Variants in HNRNPLL observed in about 807,000 individuals in gnomAD.
HNRNPLL encodes heterogeneous nuclear ribonucleoprotein L-like.
A neutral mutation model predicts 67.1 loss-of-function variants in HNRNPLL; 25 were observed. That is an observed-to-expected ratio of 0.37 (90% CI 0.27 to 0.52). The LOEUF (loss-of-function observed/expected upper bound fraction) is 0.52, where lower values mean the gene tolerates loss of function less well. Ranked by LOEUF, HNRNPLL falls within the 20% of genes least tolerant of loss-of-function variation. The probability of loss-of-function intolerance (pLI) is 0.90; values close to 1 mark genes in which losing one functional copy is unlikely to be tolerated. For synonymous variants in HNRNPLL, 267 were observed against 241.7 expected (o/e 1.10, Z -0.97); for missense variants, 542 against 673.9 (o/e 0.80, Z 2.17).
At chr2:38,596,666 TATATTA>T (rs1667205269) in intron 1 of HNRNPLL, among the ~76,000 whole-genome samples, 1 of 152,164 alleles carries the variant, frequency 6.6e-6, no homozygotes, top group Non-Finnish European at 1.5e-5. Context: ...CCCCCAACAA[TATATTA>T]ATATTGAGGT....
At chr2:38,591,883 G>T (rs1304190553) in intron 1 of HNRNPLL, among the ~76,000 whole-genome samples, 1 of 152,098 alleles carries the variant, frequency 6.6e-6, no homozygotes, top group Non-Finnish European at 1.5e-5. Flanking sequence ...GGCTGAGGCA[G>T]AAGAACGGCT....
intron 1 of HNRNPLL, among the ~76,000 whole-genome samples, chr2:38,592,369 C>A: frequency 6.6e-6 from 1 of 152,218 alleles, no homozygotes; most frequent in South Asian, 2.1e-4. Context: ...ATATACTTAT[C>A]TTTCCTGTAA....
chr2:38,571,712 A>G (rs1284100619), intron 8 of HNRNPLL, among the ~76,000 whole-genome samples: 3 of 152,166 alleles, frequency 2.0e-5, no homozygotes, highest in Non-Finnish European at 2.9e-5. Context: ...TAAATCTCCA[A>G]AAGAAAGTTA....
intron 8 of HNRNPLL, among the ~76,000 whole-genome samples, chr2:38,572,741 T>C (rs899001837): frequency 7.2e-5 from 11 of 152,078 alleles, no homozygotes; most frequent in African/African-American, 2.4e-4. Flanking sequence ...TAAATGCACA[T>C]GGTTCCTCCG....
chr2:38,586,870 G>A (rs1480054670), intron 2 of HNRNPLL, among the ~76,000 whole-genome samples: 2 of 151,984 alleles, frequency 1.3e-5, no homozygotes, highest in Non-Finnish European at 2.9e-5. Flanking sequence ...AATACAGTAC[G>A]TTCTTTTTGG....
Position 38,579,874 on chromosome 2 carries a change from C to A in HNRNPLL, c.802+2039G>T, listed in dbSNP as rs549768182. Among the ~76,000 whole-genome samples the A allele has an allele frequency of 3.3e-5, 5 of 152,044 alleles. No individual in the cohort carries two copies. The South Asian group carries it at 1.0e-3, about 32-fold the overall frequency. On this transcript the variant is annotated intron_variant, in intron 6 of 12. Transcript: ENST00000449105. ...ACAAAAACATAAACTGTTATGGTCT[C>A]GCAAGACAAATATCTGTAAGGAATT...
chr2:38,568,068 T>C (rs1009822394), intron 12 of HNRNPLL, 131 bp downstream of exon 12: 2 of 608,018 alleles, frequency 3.3e-6, no homozygotes, highest in Non-Finnish European at 5.7e-6. Context: ...GGAATTAATA[T>C]GCCTTTCTTT....
At chr2:38,569,593 TATC>T (rs1665992310) in intron 9 of HNRNPLL, among the ~76,000 whole-genome samples, 1 of 152,142 alleles carries the variant, frequency 6.6e-6, no homozygotes, top group Non-Finnish European at 1.5e-5. Flanking sequence ...TAACACGTTT[TATC>T]ATCATAAAAC....
chr2:38,566,790 C>G lies in HNRNPLL; in HGVS notation c.1573+1409G>C, dbSNP rs377098386. Among the ~76,000 whole-genome samples the G allele has an allele frequency of 3.4e-4, 51 of 149,980 alleles. No homozygotes were observed. The East Asian group carries it at 7.8e-3, about 23-fold the overall frequency. On this transcript the variant is annotated intron_variant, in intron 12 of 12. Coordinates refer to ENST00000449105, the MANE Select transcript of HNRNPLL (RefSeq NM_138394.4). ...CTTGAGCTCAGGAGTTCAAGACCAG[C>G]CTGGGCAACACAGTGAGACCTTGTC...
At chr2:38,568,684 T>C (rs1028257547) in intron 10 of HNRNPLL, among the ~76,000 whole-genome samples, 2 of 152,198 alleles carry the variant, frequency 1.3e-5, no homozygotes, top group East Asian at 1.9e-4. Context: ...TTAACTAAAA[T>C]ATATATTCTC....
At chr2:38,570,158 T>C (rs1666015122) in intron 8 of HNRNPLL, among the ~76,000 whole-genome samples, 1 of 152,178 alleles carries the variant, frequency 6.6e-6, no homozygotes, top group African/African-American at 2.4e-5. Context: ...CCTAACTCTG[T>C]TATGTATTAA....
At chr2:38,564,613 CAAA>C (rs70954732) in intron 12 of HNRNPLL, among the ~76,000 whole-genome samples, 2 of 36,974 alleles carry the variant, frequency 5.4e-5, no homozygotes, top group Non-Finnish European at 5.6e-5. Context: ...GACTCCGTCT[CAAA>C]AAAAAAAAAA....
chr2:38,565,417 G>A (rs2148331767), intron 12 of HNRNPLL, among the ~76,000 whole-genome samples: 1 of 152,066 alleles, frequency 6.6e-6, no homozygotes, highest in African/African-American at 2.4e-5. Context: ...AAAGTAAAAT[G>A]AGAAGAAAGC....
At chr2:38,600,913 T>C (rs1380767794) in intron 1 of HNRNPLL, among the ~76,000 whole-genome samples, 1 of 152,200 alleles carries the variant, frequency 6.6e-6, no homozygotes. Flanking sequence ...GCTTTATCTG[T>C]TTTCAAAAAC....
intron 1 of HNRNPLL, among the ~76,000 whole-genome samples, chr2:38,595,288 A>G (rs1225393393): frequency 1.3e-5 from 2 of 148,222 alleles, no homozygotes; most frequent in Non-Finnish European, 3.0e-5. Context: ...AAAAAAAAAA[A>G]AAAAAAAAAG....
intron 1 of HNRNPLL, among the ~76,000 whole-genome samples, chr2:38,595,018 T>C (rs1232022014): frequency 6.6e-6 from 1 of 151,910 alleles, no homozygotes; most frequent in Non-Finnish European, 1.5e-5. Flanking sequence ...GGCTCATGCC[T>C]GTAATCCTAG....
chr2:38,593,895 C>A (rs977668522), intron 1 of HNRNPLL, among the ~76,000 whole-genome samples: 3 of 144,418 alleles, frequency 2.1e-5, no homozygotes, highest in African/African-American at 7.8e-5. Flanking sequence ...TAAATGCTGG[C>A]CGGGCACAGT....
At chr2:38,569,357 A>G (rs1333938851) in intron 9 of HNRNPLL, 23 bp from the exon 10 acceptor site, 4 of 1,521,002 alleles carry the variant, frequency 2.6e-6, no homozygotes, top group Non-Finnish European at 1.8e-6. Flanking sequence ...AAGAAAAGAC[A>G]TACAAAAGTA....
intron 11 of HNRNPLL, 33 bp from the exon 12 acceptor site, chr2:38,568,330 T>C: frequency 2.5e-6 from 4 of 1,604,086 alleles, no homozygotes; most frequent in Admixed American, 1.7e-5. Flanking sequence ...CAGTTATTAT[T>C]ACTTGCTTAT....
Sources: gnomAD v4.1 joint callset for allele counts (sites outside exome capture counted in the v4.1 genomes callset) on GRCh38, gnomAD v4.1.1 for gene constraint, MANE v1.5 for transcripts, NCBI Gene and HGNC (gene_info 2026-07-23, HGNC 2026-07-21) for gene names.